Variants in MON2 observed in about 807,000 individuals in gnomAD.
MON2 encodes MON2 regulator of endosome-to-Golgi trafficking.
MON2 carries 84 observed loss-of-function variants against 208.6 expected under a neutral mutation model. That is an observed-to-expected ratio of 0.40 (90% CI 0.34 to 0.48). The LOEUF (loss-of-function observed/expected upper bound fraction) is 0.48. MON2 is among the 20% of genes least tolerant of loss of function. The pLI is 0.59. For synonymous variants in MON2, 660 were observed against 694.0 expected, an observed-to-expected ratio of 0.95 and a Z score of 0.77; for missense variants, 1,611 against 2,015.4, an observed-to-expected ratio of 0.80 and a Z score of 3.84.
At chr12:62,475,470 CTATCTT>C (rs140037730) in intron 1 of MON2, among the ~76,000 whole-genome samples, 14,511 of 151,266 alleles carry the variant, frequency 0.096, 948 homozygotes, top group East Asian at 0.27. Flanking sequence ...GAGTGAAACT[CTATCTT>C]TAAAAAAAAA....
chr12:62,506,793 T>A (rs1194822327), intron 7 of MON2, among the ~76,000 whole-genome samples: 1 of 152,188 alleles, frequency 6.6e-6, no homozygotes, highest in Non-Finnish European at 1.5e-5. Context: ...TGTGCCTTAT[T>A]TTCCTTCTCT....
At chr12:62,505,137 C>T (rs2071035201) in intron 7 of MON2, among the ~76,000 whole-genome samples, 1 of 152,184 alleles carries the variant, frequency 6.6e-6, no homozygotes, top group South Asian at 2.1e-4. Context: ...AAGGCAGTCT[C>T]AAAGATGATT....
intron 4 of MON2, among the ~76,000 whole-genome samples, chr12:62,498,014 C>T (rs1238369653): frequency 3.3e-5 from 5 of 151,754 alleles, no homozygotes; most frequent in African/African-American, 1.2e-4. Flanking sequence ...CATATGTCCT[C>T]ACAGTGACTT....
chr12:62,476,110 A>T (rs886975923), intron 1 of MON2, among the ~76,000 whole-genome samples: 1 of 152,258 alleles, frequency 6.6e-6, no homozygotes, highest in East Asian at 1.9e-4. Context: ...CCAGTCTTTG[A>T]TTTGTTAAGG....
At chr12:62,565,177 A>T (rs1379403757) in intron 26 of MON2, 60 bp from the exon 27 acceptor site, 1 of 1,499,080 alleles carries the variant, frequency 6.7e-7, no homozygotes, top group African/African-American at 1.4e-5. Flanking sequence ...ATATATACAC[A>T]GTAAAGAACT....
chr12:62,485,191 G>A (rs188798337), intron 2 of MON2, among the ~76,000 whole-genome samples: 19 of 152,272 alleles, frequency 1.2e-4, no homozygotes, highest in East Asian at 1.9e-4. Flanking sequence ...TATTACATAT[G>A]TAACCAGTGC....
chr12:62,534,376 A>G (rs1363178644), intron 12 of MON2, among the ~76,000 whole-genome samples: 2 of 150,064 alleles, frequency 1.3e-5, no homozygotes, highest in Non-Finnish European at 3.0e-5. Flanking sequence ...AAAATTAGCC[A>G]GGTGTGGTGG....
Position 62,477,615 on chromosome 12 carries a change from C to T in MON2, c.112-6555C>T, listed in dbSNP as rs953358989. Reference sequence around the variant, plus strand: ...TTTTTTTTTTAGAGACAGCATCTGCCTATGTTGCCCAGGCGGTCACGAGCT... The same window carrying T: ...TTTTTTTTTTAGAGACAGCATCTGCTTATGTTGCCCAGGCGGTCACGAGCT... On this transcript the variant is annotated intron_variant, in intron 1 of 34. Transcript: ENST00000393630. Among the ~76,000 whole-genome samples the T allele has an allele frequency of 9.1e-5, 3 of 33,126 alleles. No homozygotes were observed. In the African/African-American group the frequency reaches 1.0e-3, roughly 11 times the overall value. 21.7% of individuals were successfully genotyped at this position (33,126 alleles called of 152,430 possible).
intron 1 of MON2, among the ~76,000 whole-genome samples, chr12:62,480,576 A>C (rs1239322059): frequency 6.6e-6 from 1 of 152,152 alleles, no homozygotes; most frequent in Non-Finnish European, 1.5e-5. Flanking sequence ...AAAATGAAAA[A>C]CAAACTTCCT....
chr12:62,565,531 C>A, intron 27 of MON2, 151 bp downstream of exon 27: 1 of 711,850 alleles, frequency 1.4e-6, no homozygotes, highest in Non-Finnish European at 2.2e-6. Context: ...TTAAGCTGAA[C>A]AGAAATATTG....
intron 8 of MON2, among the ~76,000 whole-genome samples, chr12:62,514,418 A>G (rs561330830): frequency 1.3e-5 from 2 of 152,382 alleles, no homozygotes; most frequent in Admixed American, 6.5e-5. Flanking sequence ...AAAGAAGATT[A>G]GTGGACTTAC....
At chr12:62,526,476 C>T (rs1410193544) in intron 11 of MON2, among the ~76,000 whole-genome samples, 1 of 151,912 alleles carries the variant, frequency 6.6e-6, no homozygotes, top group Non-Finnish European at 1.5e-5. Context: ...AACCTCATTT[C>T]TCTCATCTAT....
intron 7 of MON2, 127 bp downstream of exon 7, chr12:62,501,825 C>A: frequency 3.1e-6 from 3 of 971,928 alleles, no homozygotes; most frequent in Non-Finnish European, 3.1e-6. Flanking sequence ...GTGGTTCATG[C>A]CTGTAATTGC....
intron 26 of MON2, among the ~76,000 whole-genome samples, chr12:62,563,255 T>G (rs74095822): frequency 0.13 from 19,234 of 152,158 alleles, 1,339 homozygotes; most frequent in African/African-American, 0.15. Flanking sequence ...TCTACAACTT[T>G]TTGCTTGTTA....
intron 11 of MON2, 129 bp from the exon 12 acceptor site, chr12:62,532,309 G>C (rs569878321): frequency 4.5e-5 from 31 of 692,374 alleles, no homozygotes; most frequent in South Asian, 1.2e-4. Flanking sequence ...AAGAAATTTG[G>C]TAATGTCCCT....
At chr12:62,488,018 C>T (rs2069897665) in intron 2 of MON2, among the ~76,000 whole-genome samples, 1 of 152,088 alleles carries the variant, frequency 6.6e-6, no homozygotes, top group South Asian at 2.1e-4. Context: ...TAGCATCCTA[C>T]ATGGGAAATA....
At chr12:62,473,767 T>C (rs970919423) in intron 1 of MON2, among the ~76,000 whole-genome samples, 1 of 152,056 alleles carries the variant, frequency 6.6e-6, no homozygotes, top group African/African-American at 2.4e-5. Flanking sequence ...GACAGGGTTT[T>C]GCCATGTTGC....
At chr12:62,482,832 G>T (rs2135995724) in intron 1 of MON2, 1 of 152,306 alleles carries the variant, frequency 6.6e-6, no homozygotes, top group East Asian at 1.9e-4. Context: ...AGTAGTTCAA[G>T]ACTAGCCTAG....
At chr12:62,484,346 A>G in intron 2 of MON2, 113 bp downstream of exon 2, 1 of 656,194 alleles carries the variant, frequency 1.5e-6, no homozygotes, top group Non-Finnish European at 2.7e-6. Flanking sequence ...CTCATGCCCT[A>G]ACATATGCTA....
Sources: allele counts gnomAD v4.1 joint callset (sites outside exome capture counted in the v4.1 genomes callset), GRCh38; gene constraint gnomAD v4.1.1; transcripts MANE v1.5; gene names NCBI Gene and HGNC (gene_info 2026-07-23, HGNC 2026-07-21).